Variants in PRLR observed in about 807,000 individuals in gnomAD.
The protein encoded by PRLR is prolactin receptor.
Under a neutral mutation model 40.2 loss-of-function variants are expected in PRLR, and 13 were observed. The ratio of observed to expected loss-of-function variants is 0.32; its 90% CI spans 0.21 to 0.51. The LOEUF (loss-of-function observed/expected upper bound fraction) is 0.51, where lower values mean the gene tolerates loss of function less well. PRLR is among the 20% of genes least tolerant of loss of function. The pLI is 0.97. For missense variants in PRLR, 656 were observed against 747.3 expected (o/e 0.88, Z 1.42); for synonymous variants, 269 against 278.7 (o/e 0.97, Z 0.35).
intron 1 of PRLR, among the ~76,000 whole-genome samples, chr5:35,119,478 G>A (rs4703501): frequency 0.12 from 17,629 of 151,948 alleles, 1,661 homozygotes; most frequent in African/African-American, 0.25. Flanking sequence ...TTTACAATCA[G>A]AGGCTACCAT....
chr5:35,211,145 C>A (rs1303915735), intron 1 of PRLR, among the ~76,000 whole-genome samples: 2 of 152,198 alleles, frequency 1.3e-5, no homozygotes, highest in Non-Finnish European at 2.9e-5. Context: ...TTACGGAATG[C>A]ATTTGTAGCC....
chr5:35,155,714 G>A (rs1324896756), intron 1 of PRLR, among the ~76,000 whole-genome samples: 1 of 152,166 alleles, frequency 6.6e-6, no homozygotes, highest in East Asian at 1.9e-4. Context: ...GCTAATAGAA[G>A]TCACTCCCAG....
At chr5:35,217,201 G>A (rs1398181106) in intron 1 of PRLR, among the ~76,000 whole-genome samples, 2 of 152,194 alleles carry the variant, frequency 1.3e-5, no homozygotes, top group African/African-American at 4.8e-5. Flanking sequence ...CCTCCTGAAA[G>A]TGGGTGTACA....
At chr5:35,098,626 T>C (rs900259736) in intron 2 of PRLR, among the ~76,000 whole-genome samples, 1 of 152,232 alleles carries the variant, frequency 6.6e-6, no homozygotes, top group African/African-American at 2.4e-5. Context: ...AACTTTACTT[T>C]GCCATAAAAG....
Position 35,104,972 on chromosome 5 carries a change from T to C in PRLR, c.-44+13089A>G, listed in dbSNP as rs1379807619. 2.0e-5 allele frequency among the ~76,000 whole-genome samples: 3 copies of C among 152,266 alleles called. No homozygotes were observed. The East Asian group carries it at 5.8e-4, about 29-fold the overall frequency. On this transcript the variant is annotated intron_variant, in intron 2 of 9. Coordinates refer to ENST00000618457, the MANE Select transcript of PRLR (RefSeq NM_000949.7). The stretch of plus-strand genomic sequence containing the variant: ...AGCCTAACTAGGAGACACTTCCCAG[T>C]AGGGGCCGACTGACACCTCATACAC...
intron 2 of PRLR, among the ~76,000 whole-genome samples, chr5:35,110,481 G>T (rs559754127): frequency 4.6e-5 from 7 of 152,180 alleles, no homozygotes; most frequent in African/African-American, 1.2e-4. Context: ...TGCCCTCAAA[G>T]TTCCTCCCCT....
intron 1 of PRLR, among the ~76,000 whole-genome samples, chr5:35,132,435 G>A (rs1369165357): frequency 6.6e-6 from 1 of 152,070 alleles, no homozygotes; most frequent in Non-Finnish European, 1.5e-5. Context: ...CAGACATCAT[G>A]TTATTTTACT....
intron 1 of PRLR, among the ~76,000 whole-genome samples, chr5:35,210,045 T>G (rs1276360544): frequency 6.6e-6 from 1 of 152,188 alleles, no homozygotes; most frequent in African/African-American, 2.4e-5. Flanking sequence ...CATGTTTTAT[T>G]CAGCTTGGCT....
chr5:35,218,645 G>A (rs1313997683), intron 1 of PRLR, among the ~76,000 whole-genome samples: 1 of 152,196 alleles, frequency 6.6e-6, no homozygotes, highest in East Asian at 1.9e-4. Context: ...TAGATATGCA[G>A]TGAAAAGCAG....
intron 1 of PRLR, among the ~76,000 whole-genome samples, chr5:35,229,678 C>T (rs987954761): frequency 2.6e-5 from 4 of 152,100 alleles, no homozygotes; most frequent in Non-Finnish European, 5.9e-5. Flanking sequence ...CTCATCTGCC[C>T]CTACCCCCGC....
chr5:35,195,816 T>G (rs1185339950), intron 1 of PRLR: 1 of 152,238 alleles, frequency 6.6e-6, no homozygotes, highest in African/African-American at 2.4e-5. Context: ...CAAGGATACA[T>G]TTTGTTTCAG....
At position 35,201,906 on chromosome 5, in the gene PRLR, T is replaced by C. The variant is rs1032608323; in HGVS notation, c.-106+28362A>G. Among the ~76,000 whole-genome samples the C allele has an allele frequency of 7.2e-5, 11 of 152,186 alleles. No individual in the cohort carries two copies. The East Asian group carries it at 9.6e-4, about 13-fold the overall frequency. On this transcript the variant is annotated intron_variant, in intron 1 of 9. Coordinates refer to ENST00000618457, the MANE Select transcript of PRLR (RefSeq NM_000949.7). ...GGATATTAATTTTTCAGTTTCAGAC[T>C]TGGCAATTTATCAAACCTATTCTGG...
chr5:35,217,719 T>G (rs778215922), intron 1 of PRLR, among the ~76,000 whole-genome samples: 1 of 152,206 alleles, frequency 6.6e-6, no homozygotes, highest in Non-Finnish European at 1.5e-5. Flanking sequence ...TTTTAAACCA[T>G]GCATAAAAAT....
intron 1 of PRLR, among the ~76,000 whole-genome samples, chr5:35,215,631 T>C (rs558902208): frequency 4.1e-4 from 63 of 152,268 alleles, no homozygotes; most frequent in African/African-American, 1.4e-3. Context: ...CTGAGATCTA[T>C]GTTGTCTGTC....
At chr5:35,148,182 T>A (rs1774240811) in intron 1 of PRLR, among the ~76,000 whole-genome samples, 1 of 152,194 alleles carries the variant, frequency 6.6e-6, no homozygotes, top group Non-Finnish European at 1.5e-5. Context: ...TTGCAGTTAT[T>A]TTTGCCTTAA....
chr5:35,223,870 T>C (rs1776482448), intron 1 of PRLR, among the ~76,000 whole-genome samples: 2 of 152,128 alleles, frequency 1.3e-5, no homozygotes, highest in Admixed American at 6.5e-5. Flanking sequence ...TGCTGAAAAA[T>C]ATGTGTTGCT....
At chr5:35,141,713 T>C (rs921399445) in intron 1 of PRLR, among the ~76,000 whole-genome samples, 2 of 152,158 alleles carry the variant, frequency 1.3e-5, no homozygotes, top group South Asian at 2.1e-4. Context: ...CCTTGAATCA[T>C]TGATTTCCAA....
chr5:35,075,895 G>T (rs1173417713), intron 5 of PRLR, among the ~76,000 whole-genome samples: 1 of 152,218 alleles, frequency 6.6e-6, no homozygotes, highest in African/African-American at 2.4e-5. Flanking sequence ...TTGCTGTTCT[G>T]CAGCCTCTGC....
intron 1 of PRLR, among the ~76,000 whole-genome samples, chr5:35,191,100 T>A (rs1775592805): frequency 1.4e-5 from 1 of 73,296 alleles, no homozygotes; most frequent in Non-Finnish European, 2.9e-5. Flanking sequence ...AGACGGAGTC[T>A]CGCTCTGTCG....
Sources: gnomAD v4.1 joint callset for allele counts (sites outside exome capture counted in the v4.1 genomes callset) on GRCh38, gnomAD v4.1.1 for gene constraint, MANE v1.5 for transcripts, NCBI Gene and HGNC (gene_info 2026-07-23, HGNC 2026-07-21) for gene names.